Variants in DLG2 observed in about 807,000 individuals in gnomAD.
DLG2 encodes disks large homolog 2.
Under a neutral mutation model 132.5 loss-of-function variants are expected in DLG2, and 45 were observed. That is an observed-to-expected ratio of 0.34 (90% CI 0.27 to 0.44). The LOEUF is 0.44. Ranked by LOEUF, DLG2 falls within the 20% of genes least tolerant of loss-of-function variation. The pLI, the probability that DLG2 is intolerant of heterozygous loss-of-function variation, is 1.00. For synonymous variants in DLG2, 424 were observed against 419.6 expected (o/e 1.01, Z -0.13); for missense variants, 1,045 against 1,196.9 (o/e 0.87, Z 1.87).
intron 6 of DLG2, among the ~76,000 whole-genome samples, chr11:84,914,204 A>C (rs969955204): frequency 6.6e-6 from 1 of 152,214 alleles, no homozygotes; most frequent in African/African-American, 2.4e-5. Context: ...GGCTTCTTTC[A>C]AATTCTGCCT....
chr11:83,973,640 G>A (rs2091733299), intron 12 of DLG2, among the ~76,000 whole-genome samples: 1 of 152,022 alleles, frequency 6.6e-6, no homozygotes, highest in Non-Finnish European at 1.5e-5. Flanking sequence ...GCTAGGATGT[G>A]GTTAGATCAA....
At chr11:84,084,665 T>G (rs926470473) in intron 10 of DLG2, among the ~76,000 whole-genome samples, 2 of 152,256 alleles carry the variant, frequency 1.3e-5, no homozygotes, top group Non-Finnish European at 2.9e-5. Flanking sequence ...TTTCAGTGTC[T>G]GTCCTTCTCA....
At chr11:84,973,803 G>T (rs1434404427) in intron 6 of DLG2, among the ~76,000 whole-genome samples, 2 of 152,028 alleles carry the variant, frequency 1.3e-5, no homozygotes, top group African/African-American at 2.4e-5. Context: ...ATAGGTAAAT[G>T]GATTCTTAGG....
At chr11:85,515,856 C>A (rs372065192) in intron 3 of DLG2, among the ~76,000 whole-genome samples, 6 of 152,058 alleles carry the variant, frequency 3.9e-5, no homozygotes, top group African/African-American at 1.4e-4. Flanking sequence ...AAGCATGATA[C>A]TAAATCCTTA....
At chr11:83,677,501 T>C (rs891051944) in intron 18 of DLG2, among the ~76,000 whole-genome samples, 1 of 152,202 alleles carries the variant, frequency 6.6e-6, no homozygotes, top group Non-Finnish European at 1.5e-5. Flanking sequence ...AGACAGGAAT[T>C]GCTATACCTG....
intron 6 of DLG2, among the ~76,000 whole-genome samples, chr11:84,565,725 G>A (rs2099451217): frequency 6.6e-6 from 1 of 152,084 alleles, no homozygotes; most frequent in African/African-American, 2.4e-5. Context: ...ATAGGACCCA[G>A]ATCATGTAAC....
intron 17 of DLG2, chr11:83,790,830 A>T: frequency 4.0e-6 from 3 of 753,092 alleles, no homozygotes; most frequent in South Asian, 3.0e-5. Context: ...AACCACAGAG[A>T]CTTCCATGGT....
intron 19 of DLG2, among the ~76,000 whole-genome samples, chr11:83,554,691 G>T (rs1296527063): frequency 1.3e-5 from 2 of 152,138 alleles, no homozygotes; most frequent in Non-Finnish European, 2.9e-5. Context: ...AATACTATGG[G>T]AGCTTGGAGC....
At chr11:84,754,264 T>A (rs1332191662) in intron 6 of DLG2, among the ~76,000 whole-genome samples, 6 of 152,184 alleles carry the variant, frequency 3.9e-5, no homozygotes, top group African/African-American at 1.4e-4. Context: ...AAATAATATG[T>A]TATTTTGTGA....
At chr11:83,547,283 C>T (rs2096265763) in intron 19 of DLG2, among the ~76,000 whole-genome samples, 1 of 152,040 alleles carries the variant, frequency 6.6e-6, no homozygotes, top group Non-Finnish European at 1.5e-5. Context: ...TTAACTCACT[C>T]CCCCAAAATG....
intron 4 of DLG2, among the ~76,000 whole-genome samples, chr11:85,179,979 C>T (rs985291809): frequency 3.3e-5 from 5 of 151,812 alleles, no homozygotes; most frequent in African/African-American, 1.2e-4. Context: ...TAGTAGGTGG[C>T]TGTGATTTAC....
chr11:84,615,840 AC>A (rs746690447), intron 6 of DLG2, among the ~76,000 whole-genome samples: 7,371 of 126,244 alleles, frequency 0.058, 644 homozygotes, highest in African/African-American at 0.13. Flanking sequence ...AAAAAAAAAA[AC>A]TTCATTCCAG....
At chr11:84,309,706 AC>A (rs1165458807) in intron 7 of DLG2, among the ~76,000 whole-genome samples, 26 of 152,242 alleles carry the variant, frequency 1.7e-4, no homozygotes, top group Non-Finnish European at 5.9e-5. Context: ...AAGAGGATAG[AC>A]CATGAAGAAG....
At chr11:83,600,239 GTGT>G (rs2058319955) in intron 19 of DLG2, among the ~76,000 whole-genome samples, 1 of 146,648 alleles carries the variant, frequency 6.8e-6, no homozygotes, top group Non-Finnish European at 1.5e-5. Flanking sequence ...GCTATAGGGT[GTGT>G]GTGTGTGTGT....
chr11:85,469,083 C>T (rs752518798), intron 3 of DLG2, among the ~76,000 whole-genome samples: 6 of 152,158 alleles, frequency 3.9e-5, no homozygotes, highest in Admixed American at 6.5e-5. Context: ...TTCTTCCAAT[C>T]GGGCAAGTCA....
At chr11:83,912,687 C>T (rs1283742426) in intron 15 of DLG2, among the ~76,000 whole-genome samples, 4 of 152,092 alleles carry the variant, frequency 2.6e-5, no homozygotes, top group African/African-American at 9.7e-5. Flanking sequence ...AGGAAGGATT[C>T]CTCCCAAGGA....
chr11:84,480,355 G>A (rs1465158220), intron 7 of DLG2, among the ~76,000 whole-genome samples: 1 of 151,992 alleles, frequency 6.6e-6, no homozygotes, highest in African/African-American at 2.4e-5. Context: ...CACGTTTTAG[G>A]GATAAGACTG....
At chr11:84,815,360 T>G (rs1362438989) in intron 6 of DLG2, among the ~76,000 whole-genome samples, 1 of 152,080 alleles carries the variant, frequency 6.6e-6, no homozygotes, top group African/African-American at 2.4e-5. Flanking sequence ...TAGTCAAAAT[T>G]TGATGACATC....
intron 15 of DLG2, among the ~76,000 whole-genome samples, chr11:83,882,585 T>C (rs898736255): frequency 6.6e-6 from 1 of 152,222 alleles, no homozygotes; most frequent in African/African-American, 2.4e-5. Flanking sequence ...ATATGCTTTA[T>C]TGGGAGAAAT....
Sources: allele counts gnomAD v4.1 joint callset (sites outside exome capture counted in the v4.1 genomes callset), GRCh38; gene constraint gnomAD v4.1.1; transcripts MANE v1.5; gene names NCBI Gene and HGNC (gene_info 2026-07-23, HGNC 2026-07-21).